Variants in GTF2B observed in about 807,000 individuals in gnomAD.
The protein encoded by GTF2B is general transcription factor IIB.
Under a neutral mutation model 34.6 loss-of-function variants are expected in GTF2B, and 20 were observed. The observed-to-expected ratio is 0.58, with a 90% CI of 0.41 to 0.84. GTF2B has a LOEUF of 0.84. Among genes scored for constraint, GTF2B ranks in the 40% least tolerant of loss-of-function variants. The pLI is 0.00. For synonymous variants in GTF2B, 142 were observed against 132.4 expected (o/e 1.07, Z -0.50); for missense variants, 237 against 393.3 (o/e 0.60, Z 3.36).
chr1:88,863,690 T>C (rs1673492284), intron 3 of GTF2B, among the ~76,000 whole-genome samples: 1 of 152,302 alleles, frequency 6.6e-6, no homozygotes, highest in South Asian at 2.1e-4. Context: ...AACATATCAA[T>C]ATTAACTCAT....
At position 88,853,177 on chromosome 1, in the gene GTF2B, T is replaced by G; in HGVS notation, c.*36A>C. ...TATAGGCTATGTACAACAGGCAAAG[T>G]TTTGTATTCAAGAATTTGACGTTAG... On this transcript the variant is annotated 3_prime_UTR_variant, in exon 7 of 7. Transcript: ENST00000370500. 6.2e-7 allele frequency: 1 copy of G among 1,606,658 alleles called. No homozygotes were observed. The highest frequency in any genetic ancestry group is 8.5e-7 in the Non-Finnish European group (1 of 1,173,200).
chr1:88,860,585 G>T (rs746693515), intron 3 of GTF2B, among the ~76,000 whole-genome samples: 1 of 152,036 alleles, frequency 6.6e-6, no homozygotes, highest in Non-Finnish European at 1.5e-5. Context: ...CTAGAAAACA[G>T]AATCCAACAG....
intron 2 of GTF2B, among the ~76,000 whole-genome samples, chr1:88,868,315 T>C (rs1250237198): frequency 3.3e-5 from 5 of 152,216 alleles, no homozygotes; most frequent in South Asian, 2.1e-4. Context: ...GAGACACATA[T>C]GAATTTCCAC....
intron 2 of GTF2B, among the ~76,000 whole-genome samples, chr1:88,872,455 T>TAAAAAAAAAAAAA (rs34668666): frequency 6.7e-5 from 5 of 74,830 alleles, no homozygotes; most frequent in Non-Finnish European, 1.0e-4. Context: ...TCCATCTCAA[T>TAAAAAAAAAAAAA]AAAAAAAAAA....
intron 3 of GTF2B, among the ~76,000 whole-genome samples, chr1:88,862,405 C>T (rs1425089975): frequency 2.0e-5 from 3 of 152,032 alleles, no homozygotes; most frequent in Non-Finnish European, 2.9e-5. Context: ...AGCCATGTGT[C>T]GTGGCCCACA....
In GTF2B at chr1:88,860,160, T is replaced by TA. The variant is rs773104342; in HGVS notation, c.384_385insT (p.Asn129Ter). The TA allele has an allele frequency of 1.2e-6, 2 of 1,614,136 alleles. No individual in the cohort carries two copies. The highest frequency in any genetic ancestry group is 1.7e-6 in the Non-Finnish European group (2 of 1,179,968). On this transcript the variant is annotated frameshift_variant, in exon 4 of 7. Coordinates refer to ENST00000370500, the MANE Select transcript of GTF2B (RefSeq NM_001514.6). LOFTEE classifies it high-confidence loss of function. ...CTTACAACTATATTTCGAGGTAGATTGATTCTGTCTGCCATGGTAGTGATT... is the reference window on the plus strand; with the variant it reads ...CTTACAACTATATTTCGAGGTAGATTAGATTCTGTCTGCCATGGTAGTGATT...
chr1:88,859,741 C>A, intron 5 of GTF2B, 141 bp downstream of exon 5: 2 of 636,498 alleles, frequency 3.1e-6, no homozygotes, highest in Non-Finnish European at 5.4e-6. Flanking sequence ...GAGGCTGAGG[C>A]AGGAGTATAG....
intron 3 of GTF2B, 28 bp from the exon 4 acceptor site, chr1:88,860,314 A>C (rs1250922292): frequency 2.5e-6 from 4 of 1,575,858 alleles, no homozygotes; most frequent in Non-Finnish European, 3.4e-6. Context: ...AACTATGAAA[A>C]AATTTTTTGG....
At chr1:88,872,849 T>C (rs1199305068) in intron 2 of GTF2B, among the ~76,000 whole-genome samples, 5 of 152,210 alleles carry the variant, frequency 3.3e-5, no homozygotes, top group Admixed American at 3.3e-4. Flanking sequence ...TGACATTTAA[T>C]AGAAATCTTC....
chr1:88,866,553 C>A (rs1195055660), intron 2 of GTF2B, among the ~76,000 whole-genome samples: 1 of 152,090 alleles, frequency 6.6e-6, no homozygotes, highest in African/African-American at 2.4e-5. Context: ...CAGATATGCA[C>A]CACCACTGCC....
At chr1:88,871,291 A>G (rs920912205) in intron 2 of GTF2B, among the ~76,000 whole-genome samples, 2 of 152,218 alleles carry the variant, frequency 1.3e-5, no homozygotes, top group South Asian at 2.1e-4. Context: ...AAATCAAGTT[A>G]TACTGGAGTA....
intron 5 of GTF2B, among the ~76,000 whole-genome samples, chr1:88,857,691 C>CTTTTTT (rs368010048): frequency 1.8e-5 from 2 of 108,152 alleles, no homozygotes; most frequent in East Asian, 2.9e-4. Flanking sequence ...TTCATCACAC[C>CTTTTTT]TTTTTTTTTG....
intron 6 of GTF2B, among the ~76,000 whole-genome samples, chr1:88,854,508 A>C (rs996590566): frequency 6.6e-6 from 1 of 152,156 alleles, no homozygotes; most frequent in Admixed American, 6.5e-5. Context: ...AGCATCATTT[A>C]TTTATTTATT....
At chr1:88,881,916 G>A (rs144420033) in intron 2 of GTF2B, among the ~76,000 whole-genome samples, 1 of 152,144 alleles carries the variant, frequency 6.6e-6, no homozygotes, top group Admixed American at 6.5e-5. Flanking sequence ...CTTGTGAATT[G>A]TATCTTCCTT....
At chr1:88,878,595 A>G (rs777955962) in intron 2 of GTF2B, among the ~76,000 whole-genome samples, 10 of 152,202 alleles carry the variant, frequency 6.6e-5, no homozygotes, top group Non-Finnish European at 1.5e-4. Flanking sequence ...TCCCATCCAC[A>G]TGTTCTTCTG....
At chr1:88,865,497 G>A (rs796383139) in intron 2 of GTF2B, among the ~76,000 whole-genome samples, 3 of 152,046 alleles carry the variant, frequency 2.0e-5, no homozygotes, top group African/African-American at 4.8e-5. Flanking sequence ...CGAGGCAGGC[G>A]GATCACCTGA....
intron 2 of GTF2B, among the ~76,000 whole-genome samples, chr1:88,870,081 CCA>C (rs1171702349): frequency 6.6e-6 from 1 of 152,138 alleles, no homozygotes; most frequent in Non-Finnish European, 1.5e-5. Flanking sequence ...GCGCCCACCA[CCA>C]CGCCTGGCTA....
At chr1:88,881,169 T>TAA (rs537366934) in intron 2 of GTF2B, among the ~76,000 whole-genome samples, 1,476 of 125,308 alleles carry the variant, frequency 0.012, 26 homozygotes, top group African/African-American at 0.039. Flanking sequence ...GGTATGTATT[T>TAA]AAAAAAAAAA....
chr1:88,857,535 T>C (rs1427174220), intron 5 of GTF2B, 48 bp from the exon 6 acceptor site: 11 of 965,994 alleles, frequency 1.1e-5, no homozygotes, highest in Non-Finnish European at 1.7e-5. Context: ...GCCATATAGT[T>C]CATCTTAAAA....
Sources: allele counts gnomAD v4.1 joint callset (sites outside exome capture counted in the v4.1 genomes callset), GRCh38; gene constraint gnomAD v4.1.1; transcripts MANE v1.5; gene names NCBI Gene and HGNC (gene_info 2026-07-23, HGNC 2026-07-21).